Variants in TOM1L2 observed in about 807,000 individuals in gnomAD.
TOM1L2 encodes TOM1-like protein 2.
Under a neutral mutation model 67.9 loss-of-function variants are expected in TOM1L2, and 31 were observed. That is an observed-to-expected ratio of 0.46 (90% confidence interval 0.34 to 0.62). The LOEUF (loss-of-function observed/expected upper bound fraction) is 0.62. TOM1L2 is among the 20% of genes least tolerant of loss of function. TOM1L2 has a pLI of 0.01. For missense variants in TOM1L2, 606 were observed against 663.5 expected (o/e 0.91, Z 0.95); for synonymous variants, 256 against 254.0 (o/e 1.01, Z -0.07).
intron 1 of TOM1L2, among the ~76,000 whole-genome samples, chr17:17,933,270 A>G (rs1347495569): frequency 6.6e-6 from 1 of 152,220 alleles, no homozygotes; most frequent in Non-Finnish European, 1.5e-5. Context: ...AAAGGGCCAA[A>G]GGACTTTGCC....
rs548897117 is a variant in TOM1L2, at chr17:17,874,534, G to C, written c.778-5061C>G. On this transcript the variant is annotated intron_variant, in intron 7 of 14. Transcript: ENST00000379504. ...GATCCACTTGCCTCAGCTTCCCAAAGTGCTGGGATTACAGGTGTGAGTCAC... is the reference window on the plus strand; with the variant it reads ...GATCCACTTGCCTCAGCTTCCCAAACTGCTGGGATTACAGGTGTGAGTCAC... 9.8e-5 allele frequency among the ~76,000 whole-genome samples: 15 copies of C among 152,286 alleles called. No homozygotes were observed. The East Asian group carries it at 2.9e-3, about 29-fold the overall frequency.
chr17:17,943,936 C>T (rs752549363), intron 1 of TOM1L2, among the ~76,000 whole-genome samples: 1 of 152,250 alleles, frequency 6.6e-6, no homozygotes, highest in African/African-American at 2.4e-5. Context: ...ATCCCTCCCC[C>T]TCCAGGTAAA....
At chr17:17,869,319 A>AG (rs1414117058) in intron 8 of TOM1L2, 21 bp downstream of exon 8, 7 of 1,608,082 alleles carry the variant, frequency 4.4e-6, no homozygotes, top group Non-Finnish European at 5.9e-6. Context: ...AAAAAAAAAA[A>AG]AAAAGAAATC....
At chr17:17,926,653 A>G (rs2040096372) in intron 1 of TOM1L2, among the ~76,000 whole-genome samples, 1 of 147,904 alleles carries the variant, frequency 6.8e-6, no homozygotes, top group African/African-American at 2.7e-5. Context: ...GCTTGAGCTC[A>G]GGAGTTCAAG....
chr17:17,879,773 G>GA, intron 6 of TOM1L2, 30 bp from the exon 7 acceptor site: 1 of 1,570,474 alleles, frequency 6.4e-7, no homozygotes, highest in Non-Finnish European at 8.8e-7. Flanking sequence ...AGGAAAGCAG[G>GA]AAGGAAAGGT....
At chr17:17,923,418 A>G (rs571960458) in intron 1 of TOM1L2, among the ~76,000 whole-genome samples, 2 of 151,936 alleles carry the variant, frequency 1.3e-5, no homozygotes, top group South Asian at 4.1e-4. Context: ...CAACAACAAA[A>G]CAACAACAAC....
intron 5 of TOM1L2, 145 bp from the exon 6 acceptor site, chr17:17,883,008 A>T: frequency 1.1e-6 from 1 of 923,610 alleles, no homozygotes; most frequent in Non-Finnish European, 1.6e-6. Flanking sequence ...GGTGAGGTTC[A>T]CAGAACCCCA....
chr17:17,956,435 C>T (rs1331322618), intron 1 of TOM1L2, among the ~76,000 whole-genome samples: 1 of 152,240 alleles, frequency 6.6e-6, no homozygotes, highest in African/African-American at 2.4e-5. Context: ...CTGGCTTCAC[C>T]CAGTGGATCC....
chr17:17,949,490 A>G (rs529072565), intron 1 of TOM1L2, among the ~76,000 whole-genome samples: 128 of 152,350 alleles, frequency 8.4e-4, no homozygotes, highest in African/African-American at 3.0e-3. Flanking sequence ...CCGATGCTAC[A>G]ATCTGACCTG....
At chr17:17,901,676 T>C (rs958289489) in intron 2 of TOM1L2, among the ~76,000 whole-genome samples, 1 of 152,256 alleles carries the variant, frequency 6.6e-6, no homozygotes, top group Non-Finnish European at 1.5e-5. Flanking sequence ...CTCTATTGCA[T>C]GTCTTCAGTT....
At chr17:17,863,563 CTTTT>C (rs11334951) in intron 10 of TOM1L2, among the ~76,000 whole-genome samples, 10 of 130,566 alleles carry the variant, frequency 7.7e-5, no homozygotes, top group Non-Finnish European at 1.1e-4. Context: ...AGACACTAGA[CTTTT>C]TTTTTTTTTT....
At chr17:17,945,388 G>A (rs1195678527) in intron 1 of TOM1L2, among the ~76,000 whole-genome samples, 1 of 151,994 alleles carries the variant, frequency 6.6e-6, no homozygotes, top group Admixed American at 6.5e-5. Flanking sequence ...GCACTGGATT[G>A]AAAACAGTGT....
rs192069818 is a variant in TOM1L2, at chr17:17,903,194, G to A, written c.137+4253C>T. Among the ~76,000 whole-genome samples the A allele has an allele frequency of 1.7e-4, 26 of 152,000 alleles. No homozygotes were observed. The South Asian group carries it at 2.3e-3, about 13-fold the overall frequency. ...TCTCCCTGCCCCCCACCCAGCACTC[G>A]TTATGCATATGTTTATATGCCTGCA... On this transcript the variant is annotated intron_variant, in intron 2 of 14. Transcript: ENST00000379504.
In TOM1L2 at chr17:17,879,735, C is replaced by T. The variant is rs755813631; in HGVS notation, c.669G>A (p.Arg223=). ...GAACGACGTCCAGTTCACTCCGCAGCCTGGCAATCTGGTGGGGGCCACGAG... is the reference window on the plus strand; with the variant it reads ...GAACGACGTCCAGTTCACTCCGCAGTCTGGCAATCTGGTGGGGGCCACGAG... ...PITANSEQIA[R]LRSELDVVRG... Residue 223 remains arginine (R), a synonymous_variant, in exon 7 of 15, where the codon AGG becomes AGA. Coordinates refer to ENST00000379504, the MANE Select transcript of TOM1L2 (RefSeq NM_001082968.2). 5.0e-6 allele frequency: 8 copies of T among 1,614,000 alleles called. No individual in the cohort carries two copies. Among genetic ancestry groups the T allele is most frequent in the Admixed American group, 1.7e-5 (1 of 60,006 alleles).
intron 1 of TOM1L2, among the ~76,000 whole-genome samples, chr17:17,913,560 ATC>A (rs1163840668): frequency 6.6e-6 from 1 of 152,150 alleles, no homozygotes; most frequent in African/African-American, 2.4e-5. Flanking sequence ...TACTTCCCTC[ATC>A]TGTTTCAGTA....
chr17:17,894,471 G>A (rs538735384), intron 3 of TOM1L2, among the ~76,000 whole-genome samples: 1 of 152,334 alleles, frequency 6.6e-6, no homozygotes, highest in East Asian at 1.9e-4. Flanking sequence ...GAAAAGCCCA[G>A]CATACTGGTT....
chr17:17,910,434 G>A (rs2039293789), intron 1 of TOM1L2, among the ~76,000 whole-genome samples: 2 of 152,182 alleles, frequency 1.3e-5, no homozygotes, highest in Admixed American at 6.5e-5. Context: ...CTTCCTCTAA[G>A]TTATGGATCT....
Position 17,846,092 on chromosome 17 carries a change from A to C in TOM1L2, c.*1543T>G, listed in dbSNP as rs1485994623. ...TGGTGCTCAGCATGACCCCCAGCTG[A>C]AGTCGCCATCCTGAATGCTCCCCAA... On this transcript the variant is annotated 3_prime_UTR_variant, in exon 15 of 15. Coordinates refer to ENST00000379504, the MANE Select transcript of TOM1L2 (RefSeq NM_001082968.2). The C allele has an allele frequency of 6.6e-6, 1 of 152,262 alleles. No homozygotes were observed. Among genetic ancestry groups the C allele is most frequent in the East Asian group, 1.9e-4 (1 of 5,190 alleles). The allele number at this position is 152,262 out of a possible 1,614,324, so 9.4% of individuals were successfully genotyped here. A position where few individuals can be genotyped will look rare whatever the true frequency, so the allele number is the denominator to read the frequency against.
intron 1 of TOM1L2, among the ~76,000 whole-genome samples, chr17:17,927,763 A>G (rs893780595): frequency 6.6e-6 from 1 of 151,732 alleles, no homozygotes; most frequent in Non-Finnish European, 1.5e-5. Context: ...TTCCAGGCTC[A>G]AGTGAGCCTC....
Sources: allele counts gnomAD v4.1 joint callset (sites outside exome capture counted in the v4.1 genomes callset), GRCh38; gene constraint gnomAD v4.1.1; transcripts MANE v1.5; gene names NCBI Gene and HGNC (gene_info 2026-07-23, HGNC 2026-07-21).